The following FILIP1L variants were observed in gnomAD, a reference collection of about 807,000 sequenced individuals.
FILIP1L encodes filamin A-interacting protein 1-like.
FILIP1L carries 55 observed loss-of-function variants against 96.6 expected under a neutral mutation model. That is an observed-to-expected ratio of 0.57 (90% confidence interval 0.46 to 0.71). The LOEUF (loss-of-function observed/expected upper bound fraction) is 0.71. FILIP1L is among the 30% of genes least tolerant of loss of function. FILIP1L has a pLI of 0.00. For synonymous variants in FILIP1L, 467 were observed against 473.9 expected (o/e 0.99, Z 0.19); for missense variants, 1,304 against 1,321.2 (o/e 0.99, Z 0.20).
intron 1 of FILIP1L, among the ~76,000 whole-genome samples, chr3:100,084,593 G>A (rs1247991321): frequency 6.6e-6 from 1 of 152,142 alleles, no homozygotes; most frequent in African/African-American, 2.4e-5. Context: ...CTTAAACAGA[G>A]CTTTATAAAG....
chr3:100,108,223 C>T (rs1394239326), intron 1 of FILIP1L, among the ~76,000 whole-genome samples: 1 of 152,076 alleles, frequency 6.6e-6, no homozygotes, highest in African/African-American at 2.4e-5. Context: ...CTAACTAGGT[C>T]TTGTAGCATT....
intron 1 of FILIP1L, among the ~76,000 whole-genome samples, chr3:99,933,266 A>G (rs1707546500): frequency 6.6e-6 from 1 of 152,182 alleles, no homozygotes; most frequent in African/African-American, 2.4e-5. Context: ...TACTGAAGAG[A>G]CTATTTACAA....
intron 1 of FILIP1L, among the ~76,000 whole-genome samples, chr3:100,069,754 T>A (rs1347920357): frequency 6.6e-6 from 1 of 152,120 alleles, no homozygotes; most frequent in Non-Finnish European, 1.5e-5. Flanking sequence ...TGCCAGAAAT[T>A]TCAGAATTTG....
At chr3:99,942,557 C>T (rs1424481804) in intron 1 of FILIP1L, among the ~76,000 whole-genome samples, 1 of 152,188 alleles carries the variant, frequency 6.6e-6, no homozygotes, top group Non-Finnish European at 1.5e-5. Context: ...CCTTGCCAGT[C>T]GCCGTGGCTC....
chr3:100,103,252 C>G (rs2066338970), intron 1 of FILIP1L, among the ~76,000 whole-genome samples: 1 of 152,162 alleles, frequency 6.6e-6, no homozygotes, highest in Admixed American at 6.6e-5. Context: ...GGCAGCAGCT[C>G]ACAGTGGCAG....
intron 1 of FILIP1L, among the ~76,000 whole-genome samples, chr3:100,050,365 G>A (rs2065349166): frequency 6.6e-6 from 1 of 152,114 alleles, no homozygotes; most frequent in African/African-American, 2.4e-5. Flanking sequence ...TTAGATTTAT[G>A]TGAAATGCTC....
Position 99,979,928 on chromosome 3 carries a change from A to T in FILIP1L, c.-10-48898T>A, listed in dbSNP as rs543819940. 2.0e-5 allele frequency among the ~76,000 whole-genome samples: 3 copies of T among 152,302 alleles called. No individual in the cohort carries two copies. In the South Asian group the frequency reaches 6.2e-4, roughly 32 times the overall value. ...AGTGCTGTGAAGGGTGAGGTAGGAGAACTAATTTGTGGTTAAGGACATTAA... is the reference window on the plus strand; with the variant it reads ...AGTGCTGTGAAGGGTGAGGTAGGAGTACTAATTTGTGGTTAAGGACATTAA... On this transcript the variant is annotated intron_variant, in intron 1 of 5. Coordinates refer to ENST00000477258, the MANE Select transcript of FILIP1L (RefSeq NM_001387850.1).
chr3:99,974,879 C>G (rs1708924577), intron 1 of FILIP1L, among the ~76,000 whole-genome samples: 1 of 152,150 alleles, frequency 6.6e-6, no homozygotes, highest in Non-Finnish European at 1.5e-5. Context: ...GGCATGGGCT[C>G]TTGTGTTTGC....
At chr3:99,881,885 A>G (rs1358614472) in intron 4 of FILIP1L, among the ~76,000 whole-genome samples, 4 of 152,114 alleles carry the variant, frequency 2.6e-5, no homozygotes, top group African/African-American at 4.8e-5. Context: ...AGATTTTCCC[A>G]TGTAGATGTG....
chr3:100,060,021 C>T (rs1347345101), intron 1 of FILIP1L, among the ~76,000 whole-genome samples: 1 of 149,668 alleles, frequency 6.7e-6, no homozygotes, highest in Non-Finnish European at 1.5e-5. Context: ...AGGCAGTTTT[C>T]CTGCTGGAGG....
chr3:99,838,632 C>A (rs1046328553), intron 5 of FILIP1L, among the ~76,000 whole-genome samples: 1 of 152,100 alleles, frequency 6.6e-6, no homozygotes, highest in African/African-American at 2.4e-5. Flanking sequence ...AATTTAAAAC[C>A]CCTTGCAACT....
At chr3:100,067,187 GT>G (rs1162284759) in intron 1 of FILIP1L, among the ~76,000 whole-genome samples, 2 of 151,794 alleles carry the variant, frequency 1.3e-5, no homozygotes, top group African/African-American at 4.8e-5. Context: ...TTGTTTGTTT[GT>G]TTGTTTGTTT....
intron 1 of FILIP1L, among the ~76,000 whole-genome samples, chr3:99,966,344 A>G (rs1026566251): frequency 6.6e-6 from 1 of 152,092 alleles, no homozygotes; most frequent in African/African-American, 2.4e-5. Context: ...TGTTTCTTTC[A>G]TAGCCCCACT....
At chr3:100,013,214 G>GTGTTGTTGTTGTTGTTGTTGT (rs35047568) in intron 1 of FILIP1L, among the ~76,000 whole-genome samples, 2 of 145,522 alleles carry the variant, frequency 1.4e-5, no homozygotes, top group South Asian at 2.3e-4. Flanking sequence ...GGCCAGTGAG[G>GTGTTGTTGTTGTTGTTGTTGT]TGTTGTTGTT....
chr3:100,021,946 TGTGTGTGTGTGTGTGAGA>T (rs2064827323), intron 1 of FILIP1L, among the ~76,000 whole-genome samples: 1 of 129,406 alleles, frequency 7.7e-6, no homozygotes, highest in Non-Finnish European at 1.7e-5. Context: ...TGTGTGTGTG[TGTGTGTGTGTGTGTGAGA>T]GAGAGAGAGA....
intron 1 of FILIP1L, among the ~76,000 whole-genome samples, chr3:99,981,338 T>A (rs1051960097): frequency 2.6e-5 from 4 of 152,218 alleles, no homozygotes; most frequent in African/African-American, 9.6e-5. Context: ...CTTCCTGAAA[T>A]GACTTAGGAA....
chr3:99,924,724 G>C (rs966166564), intron 3 of FILIP1L, among the ~76,000 whole-genome samples: 2 of 152,000 alleles, frequency 1.3e-5, no homozygotes, highest in African/African-American at 4.8e-5. Context: ...GTTTCTCCAC[G>C]TTGGTCAGGC....
chr3:99,930,354 A>G (rs536769774), intron 2 of FILIP1L, among the ~76,000 whole-genome samples: 2 of 152,292 alleles, frequency 1.3e-5, no homozygotes, highest in South Asian at 4.2e-4. Flanking sequence ...ATTCTCCTAT[A>G]TGTGTACCAG....
At chr3:99,892,113 G>T (rs1026764775) in intron 4 of FILIP1L, among the ~76,000 whole-genome samples, 22 of 152,198 alleles carry the variant, frequency 1.4e-4, no homozygotes, top group African/African-American at 5.3e-4. Context: ...GTGAGAAATA[G>T]AATATCACTG....
Sources: gnomAD v4.1 joint callset for allele counts (sites outside exome capture counted in the v4.1 genomes callset) on GRCh38, gnomAD v4.1.1 for gene constraint, MANE v1.5 for transcripts, NCBI Gene and HGNC (gene_info 2026-07-23, HGNC 2026-07-21) for gene names.